Variants in BRINP3 observed in about 807,000 individuals in gnomAD.
The protein encoded by BRINP3 is BMP/retinoic acid inducible neural specific 3.
Under a neutral mutation model 71.0 loss-of-function variants are expected in BRINP3, and 19 were observed. The ratio of observed to expected loss-of-function variants is 0.27; its 90% CI spans 0.19 to 0.39. The LOEUF is 0.39. BRINP3 is among the 10% of genes least tolerant of loss of function. BRINP3 has a pLI of 1.00. For missense variants in BRINP3, 959 were observed against 940.8 expected, an observed-to-expected ratio of 1.02 and a Z score of -0.25; for synonymous variants, 380 against 337.7, an observed-to-expected ratio of 1.13 and a Z score of -1.37.
intron 7 of BRINP3, among the ~76,000 whole-genome samples, chr1:190,134,097 A>T (rs1213000929): frequency 1.3e-5 from 2 of 152,000 alleles, no homozygotes; most frequent in African/African-American, 2.4e-5. Flanking sequence ...AAACAGGAAA[A>T]TTTTAAGAAA....
intron 1 of BRINP3, among the ~76,000 whole-genome samples, chr1:190,472,379 A>G (rs1047371329): frequency 6.6e-6 from 1 of 151,698 alleles, no homozygotes; most frequent in African/African-American, 2.4e-5. Context: ...AAAGCCTTAG[A>G]AGAGAACATC....
At chr1:190,263,629 G>A (rs1479030402) in intron 4 of BRINP3, among the ~76,000 whole-genome samples, 3 of 136,614 alleles carry the variant, frequency 2.2e-5, no homozygotes, top group South Asian at 4.6e-4. Context: ...TCGCTCTGTC[G>A]CCCAGACTGG....
At chr1:190,299,855 C>A (rs1471515785) in intron 2 of BRINP3, among the ~76,000 whole-genome samples, 2 of 151,908 alleles carry the variant, frequency 1.3e-5, no homozygotes, top group Non-Finnish European at 1.5e-5. Flanking sequence ...AAATTCTTTT[C>A]TTTAAGAATG....
At chr1:190,214,180 G>C (rs1012943763) in intron 6 of BRINP3, among the ~76,000 whole-genome samples, 3 of 152,054 alleles carry the variant, frequency 2.0e-5, no homozygotes, top group Non-Finnish European at 4.4e-5. Flanking sequence ...GCTCCAACTT[G>C]AGTTTGTTTT....
chr1:190,383,932 A>C (rs74130729), intron 2 of BRINP3, among the ~76,000 whole-genome samples: 3,267 of 152,006 alleles, frequency 0.021, 119 homozygotes, highest in African/African-American at 0.074. Flanking sequence ...AACCCATTCA[A>C]ACACTACAAT....
chr1:190,453,864 T>A (rs1171034), intron 2 of BRINP3, among the ~76,000 whole-genome samples: 92,049 of 151,950 alleles, frequency 0.61, 28,487 homozygotes, highest in Non-Finnish European at 0.67. Context: ...TGTTAAACCA[T>A]TAACTAGGAA....
intron 7 of BRINP3, among the ~76,000 whole-genome samples, chr1:190,124,878 A>G (rs1286233784): frequency 3.3e-5 from 5 of 152,082 alleles, no homozygotes; most frequent in Admixed American, 1.3e-4. Context: ...CTTTACAGAT[A>G]CAAATCAACC....
At chr1:190,410,947 G>T (rs1672623221) in intron 2 of BRINP3, among the ~76,000 whole-genome samples, 1 of 151,902 alleles carries the variant, frequency 6.6e-6, no homozygotes, top group African/African-American at 2.4e-5. Context: ...TTTTTTAAAA[G>T]AAACTTGAAA....
At position 190,454,607 on chromosome 1, in the gene BRINP3, A is replaced by C. The variant is rs1408395740; in HGVS notation, c.236+48T>G. The C allele has an allele frequency of 3.3e-6, 5 of 1,510,104 alleles. No individual in the cohort carries two copies. The South Asian group carries it at 5.9e-5, about 18-fold the overall frequency. The allele number at this position is 1,510,104 out of a possible 1,614,324, so 93.5% of individuals were successfully genotyped here. On this transcript the variant is annotated intron_variant, in intron 2 of 7. Coordinates refer to ENST00000367462, the MANE Select transcript of BRINP3 (RefSeq NM_199051.3). ...CCCTTAGAGAAACTTATGTATACAC[A>C]ACCTTCAAGGATGATATTTCTGTAA...
At chr1:190,470,785 CA>C (rs1458908109) in intron 1 of BRINP3, among the ~76,000 whole-genome samples, 4 of 150,966 alleles carry the variant, frequency 2.6e-5, no homozygotes, top group Non-Finnish European at 6.0e-5. Flanking sequence ...CATGATAAAA[CA>C]TCAAGTAATC....
At chr1:190,385,019 T>G (rs532976659) in intron 2 of BRINP3, among the ~76,000 whole-genome samples, 11 of 152,006 alleles carry the variant, frequency 7.2e-5, no homozygotes, top group East Asian at 5.8e-4. Flanking sequence ...TAGCCATATG[T>G]AGAAAGCTGA....
chr1:190,451,832 T>C (rs1455886528), intron 2 of BRINP3, among the ~76,000 whole-genome samples: 1 of 152,232 alleles, frequency 6.6e-6, no homozygotes, highest in Non-Finnish European at 1.5e-5. Context: ...TGCCGTTCTA[T>C]ATTTGGAGTG....
At position 190,188,076 on chromosome 1, in the gene BRINP3, A is replaced by G. The variant is rs559229170; in HGVS notation, c.962-27186T>C. ...TCTTTTATCAGTGTTTTATAGTTTC[A>G]TTGTAGAGATATTACACATTGTTGG... On this transcript the variant is annotated intron_variant, in intron 6 of 7. Coordinates refer to ENST00000367462, the MANE Select transcript of BRINP3 (RefSeq NM_199051.3). 2.0e-5 allele frequency among the ~76,000 whole-genome samples: 3 copies of G among 151,928 alleles called. No individual in the cohort carries two copies. In the South Asian group the frequency reaches 6.2e-4, roughly 32 times the overall value.
At chr1:190,193,321 A>G (rs994917137) in intron 6 of BRINP3, among the ~76,000 whole-genome samples, 2 of 152,112 alleles carry the variant, frequency 1.3e-5, no homozygotes, top group Non-Finnish European at 2.9e-5. Context: ...TGTGAAGCCC[A>G]AGCAGGAATT....
At chr1:190,249,511 C>T (rs1394119403) in intron 4 of BRINP3, among the ~76,000 whole-genome samples, 4 of 151,708 alleles carry the variant, frequency 2.6e-5, no homozygotes, top group African/African-American at 9.7e-5. Context: ...TAAAAAATAG[C>T]AACTGATTTC....
At chr1:190,442,466 A>G (rs924317621) in intron 2 of BRINP3, among the ~76,000 whole-genome samples, 1 of 152,200 alleles carries the variant, frequency 6.6e-6, no homozygotes, top group African/African-American at 2.4e-5. Flanking sequence ...CAATAAGGAT[A>G]TGCAAAGCCC....
intron 2 of BRINP3, among the ~76,000 whole-genome samples, chr1:190,449,348 G>A (rs1675448650): frequency 1.3e-5 from 2 of 151,898 alleles, no homozygotes; most frequent in African/African-American, 4.8e-5. Flanking sequence ...GAAGAGACCA[G>A]GCATTCATGT....
intron 4 of BRINP3, among the ~76,000 whole-genome samples, chr1:190,264,137 G>A (rs1322083967): frequency 8.5e-5 from 13 of 152,118 alleles, no homozygotes; most frequent in Admixed American, 8.5e-4. Context: ...CAGAGAATAT[G>A]TCTAAAACTT....
At chr1:190,125,202 A>G (rs1241936560) in intron 7 of BRINP3, among the ~76,000 whole-genome samples, 3 of 152,034 alleles carry the variant, frequency 2.0e-5, no homozygotes, top group Non-Finnish European at 2.9e-5. Flanking sequence ...ATTAAAAAAT[A>G]AAACAGAGTA....
Sources: allele counts gnomAD v4.1 joint callset (sites outside exome capture counted in the v4.1 genomes callset), GRCh38; gene constraint gnomAD v4.1.1; transcripts MANE v1.5; gene names NCBI Gene and HGNC (gene_info 2026-07-23, HGNC 2026-07-21).